SPG7: variants seen among roughly 807,000 people sequenced by gnomAD.
SPG7 encodes SPG7 matrix AAA peptidase subunit, paraplegin, also known as mitochondrial inner membrane m-AAA protease component paraplegin.
SPG7 carries 103 observed loss-of-function variants against 81.9 expected under a neutral mutation model. The observed-to-expected ratio is 1.26, with a 90% confidence interval of 1.07 to 1.48. The LOEUF (loss-of-function observed/expected upper bound fraction) is 1.48. Ranked by LOEUF, SPG7 falls within the 40% of genes most tolerant of loss-of-function variation. The probability of loss-of-function intolerance (pLI) is 0.00; values close to 1 mark genes in which losing one functional copy is unlikely to be tolerated. For missense variants in SPG7, 1,241 were observed against 1,087.3 expected (o/e 1.14, Z -1.99); for synonymous variants, 534 against 444.2 (o/e 1.20, Z -2.54).
chr16:89,529,506 TG>T lies in SPG7; in HGVS notation c.791del (p.Gly264AlafsTer14). ...CTGTACTCTGTGGGGATGACGGCAG[TG>T]GGCCTGGCCATCCTGTGGTATGTTT... ...NALYSVGMTA[V>X]GLAILWYVFR... is the part of the protein sequence containing the mutation. On this transcript the variant is annotated frameshift_variant, in exon 6 of 17. Coordinates refer to ENST00000645818, the MANE Select transcript of SPG7 (RefSeq NM_003119.4). LOFTEE classifies it high-confidence loss of function. 2 of 1,613,872 alleles carry T rather than the reference TG, an allele frequency of 1.2e-6. No individual in the cohort carries two copies. The highest frequency in any genetic ancestry group is 1.7e-6 in the Non-Finnish European group (2 of 1,179,856).
chr16:89,544,555 T>A, intron 9 of SPG7, 93 bp from the exon 10 acceptor site: 1 of 1,484,118 alleles, frequency 6.7e-7, no homozygotes, highest in Non-Finnish European at 9.4e-7. Flanking sequence ...GGGGGGTCTC[T>A]CTCCCTCCTG....
intron 11 of SPG7, chr16:89,547,546 C>G (rs2152410157): frequency 4.2e-6 from 1 of 235,392 alleles, no homozygotes; most frequent in East Asian, 1.2e-4. Context: ...CCGTGCCTCT[C>G]TCCCAGACGC....
chr16:89,531,191 T>C (rs1483348746), intron 7 of SPG7: 9 of 361,244 alleles, frequency 2.5e-5, no homozygotes, highest in Non-Finnish European at 2.7e-5. Flanking sequence ...GTACGGTGGG[T>C]CGCACCTGTA....
rs1231939727 is a variant in SPG7, at chr16:89,526,689, A to T, written c.758+221A>T. 6 of 513,836 alleles carry T rather than the reference A, an allele frequency of 1.2e-5. No homozygotes were observed. In the East Asian group the frequency reaches 2.0e-4, roughly 17 times the overall value. The allele number at this position is 513,836 out of a possible 1,614,324, so 31.8% of individuals were successfully genotyped here. A position where few individuals can be genotyped will look rare whatever the true frequency, so the allele number is the denominator to read the frequency against. On this transcript the variant is annotated intron_variant, in intron 5 of 16. Transcript: ENST00000645818. ...ATGGGGGCTGGTTCTCGGACTTCCCAAGGATACCAGCACCTGAGGATGCCT... is the reference window on the plus strand; with the variant it reads ...ATGGGGGCTGGTTCTCGGACTTCCCTAGGATACCAGCACCTGAGGATGCCT...
chr16:89,515,300 G>T (rs1028790585), intron 3 of SPG7, among the ~76,000 whole-genome samples: 2 of 148,384 alleles, frequency 1.3e-5, no homozygotes. Flanking sequence ...ACGGAGTCTC[G>T]CTCTGTTGCC....
intron 10 of SPG7, chr16:89,545,134 G>T (rs2058546921): frequency 2.8e-6 from 1 of 360,550 alleles, no homozygotes; most frequent in South Asian, 2.2e-5. Context: ...AGGAAAAATT[G>T]TGGGAAACTT....
intron 3 of SPG7, chr16:89,520,391 T>C (rs192048460): frequency 3.3e-4 from 61 of 186,970 alleles, no homozygotes; most frequent in Non-Finnish European, 5.3e-4. Context: ...TTTGTTTGTT[T>C]GTTTGTTTGT....
chr16:89,553,204 G>T (rs2058654333), intron 14 of SPG7, 69 bp downstream of exon 14: 2 of 1,434,188 alleles, frequency 1.4e-6, no homozygotes, highest in African/African-American at 1.4e-5. Context: ...TTCTGTTCCA[G>T]TGCATGCCAT....
chr16:89,532,386 T>C (rs1567914681), intron 8 of SPG7, 77 bp from the exon 9 acceptor site: 2 of 1,535,722 alleles, frequency 1.3e-6, no homozygotes, highest in African/African-American at 1.4e-5. Context: ...GTGTAGAACT[T>C]TGTCTGGCCC....
intron 13 of SPG7, among the ~76,000 whole-genome samples, chr16:89,550,985 A>G (rs1002897195): frequency 9.8e-5 from 15 of 152,310 alleles, no homozygotes; most frequent in African/African-American, 3.6e-4. Context: ...AAAAAATACT[A>G]TTCTAGGCTG....
At chr16:89,523,668 A>T (rs778991143) in intron 3 of SPG7, 3 of 474,622 alleles carry the variant, frequency 6.3e-6, no homozygotes, top group Non-Finnish European at 4.2e-6. Flanking sequence ...TGCAGCTTCA[A>T]CCTCCCGCCT....
At chr16:89,525,669 G>A (rs3935312) in intron 4 of SPG7, among the ~76,000 whole-genome samples, 65,342 of 152,016 alleles carry the variant, frequency 0.43, 14,666 homozygotes, top group East Asian at 0.67. Context: ...AAAACGCTGC[G>A]TTTGGAGAAT....
rs1455825434 is a variant in SPG7, at chr16:89,531,607, C to G, written c.988-297C>G. 13 of 421,228 alleles carry G rather than the reference C, an allele frequency of 3.1e-5. 1 individual carries two copies. The East Asian group carries it at 5.3e-4, about 17-fold the overall frequency. 26.1% of individuals were successfully genotyped at this position (421,228 alleles called of 1,614,324 possible). The stretch of plus-strand genomic sequence containing the variant: ...CAGGCTGGTCTCAAACTCCTGATCT[C>G]AAGCTACGCGCCTGCCTCAGCCTCC... On this transcript the variant is annotated intron_variant, in intron 7 of 16. Transcript: ENST00000645818.
intron 3 of SPG7, among the ~76,000 whole-genome samples, chr16:89,515,202 C>T (rs11646861): frequency 2.6e-5 from 4 of 151,126 alleles, no homozygotes; most frequent in Non-Finnish European, 4.4e-5. Flanking sequence ...TCCCAAAGTG[C>T]TGGGATTACA....
chr16:89,517,257 A>AT (rs1047033183), intron 3 of SPG7: 1 of 139,640 alleles, frequency 7.2e-6, no homozygotes, highest in Admixed American at 7.0e-5. Context: ...AAGGAATGGC[A>AT]TGGCAGCCTC....
chr16:89,546,295 A>C, intron 10 of SPG7: 1 of 335,138 alleles, frequency 3.0e-6, no homozygotes, highest in Non-Finnish European at 5.8e-6. Context: ...CGTGTTGGCC[A>C]GACTGCCCAC....
At chr16:89,554,588 G>C (rs376260661) in intron 16 of SPG7, 25 bp downstream of exon 16, 111 of 1,557,888 alleles carry the variant, frequency 7.1e-5, no homozygotes, top group Non-Finnish European at 9.6e-5. Context: ...AGGCGTGGGG[G>C]CTACGGCGTC....
rs138965309 is a variant in SPG7, at chr16:89,510,556, T to C, written c.250T>C (p.Leu84=). The change falls in exon 2 of 17, where the codon TTA becomes CTA. Residue 84 remains leucine (L), a synonymous_variant. Coordinates refer to ENST00000645818, the MANE Select transcript of SPG7 (RefSeq NM_003119.4). ...CAACGGATTGTTGTTGAAACAACATTTAGTTCAGAATCCAGTCAGACTCTG... is the reference window on the plus strand; with the variant it reads ...CAACGGATTGTTGTTGAAACAACATCTAGTTCAGAATCCAGTCAGACTCTG... ...GINGLLLKQH[L]VQNPVRLWQL... 338 of 1,613,378 alleles carry C rather than the reference T, an allele frequency of 2.1e-4. No individual in the cohort carries two copies. The highest frequency in any genetic ancestry group is 2.8e-4 in the Non-Finnish European group (326 of 1,179,534).
At chr16:89,510,359 A>G (rs1008564797) in intron 1 of SPG7, 131 bp from the exon 2 acceptor site, 1 of 669,752 alleles carries the variant, frequency 1.5e-6, no homozygotes, top group African/African-American at 1.8e-5. Context: ...CTATTACTTT[A>G]TATTTCAGGG....
Sources: allele counts gnomAD v4.1 joint callset (sites outside exome capture counted in the v4.1 genomes callset), GRCh38; gene constraint gnomAD v4.1.1; transcripts MANE v1.5; gene names NCBI Gene and HGNC (gene_info 2026-07-23, HGNC 2026-07-21).